Variants in PHIP observed in about 807,000 individuals in gnomAD.
PHIP encodes the protein PHIP subunit of CUL4-Ring ligase complex.
A neutral mutation model predicts 236.8 loss-of-function variants in PHIP; 54 were observed. The observed-to-expected ratio is 0.23, with a 90% confidence interval of 0.18 to 0.29. The LOEUF is 0.29. Ranked by LOEUF, PHIP falls within the 10% of genes least tolerant of loss-of-function variation. The probability of loss-of-function intolerance (pLI) is 1.00; values close to 1 mark genes in which losing one functional copy is unlikely to be tolerated. For synonymous variants in PHIP, 756 were observed against 718.9 expected (o/e 1.05, Z -0.83); for missense variants, 1,370 against 2,190.8 (o/e 0.63, Z 7.48).
chr6:79,046,552 T>C (rs1772495756), intron 6 of PHIP, among the ~76,000 whole-genome samples: 1 of 152,176 alleles, frequency 6.6e-6, no homozygotes, highest in South Asian at 2.1e-4. Context: ...CACAGGTTGG[T>C]GAATTAACAA....
At position 79,002,006 on chromosome 6, in the gene PHIP, A is replaced by G; in HGVS notation, c.1772T>C (p.Val591Ala). ...TGGATGAGGGTTACCATCAACATCA[A>G]CCAAAAAAGGGGGAGGCATAAGATG... ...APHLMPPPFL[V>A]DVDGNPHPSR... Residue 591 changes from valine to alanine, a missense_variant, in exon 17 of 40, where the codon GTT (valine) becomes GCT (alanine). Val to Ala is a moderately conservative substitution (Grantham distance 64). This residue lies in a region of PHIP where 133 missense variants were observed against 245.2 expected (regional missense o/e 0.54). Coordinates refer to ENST00000275034, the MANE Select transcript of PHIP (RefSeq NM_017934.7). 1 of 1,613,282 alleles carries G rather than the reference A, an allele frequency of 6.2e-7. No individual in the cohort carries two copies. The highest frequency in any genetic ancestry group is 8.5e-7 in the Non-Finnish European group (1 of 1,179,472).
chr6:79,014,945 C>A (rs1770770092), intron 15 of PHIP, 137 bp downstream of exon 15: 2 of 626,044 alleles, frequency 3.2e-6, no homozygotes, highest in South Asian at 2.4e-5. Flanking sequence ...TGGAATAAAT[C>A]ATTCTTTATT....
intron 9 of PHIP, among the ~76,000 whole-genome samples, chr6:79,019,811 G>T (rs1201485672): frequency 2.0e-5 from 3 of 152,042 alleles, no homozygotes; most frequent in African/African-American, 4.8e-5. Context: ...CTGTATTACA[G>T]ATTACATATT....
intron 21 of PHIP, among the ~76,000 whole-genome samples, chr6:78,987,548 T>C (rs1377619509): frequency 6.6e-6 from 1 of 152,094 alleles, no homozygotes. Flanking sequence ...TTCAAAAGTG[T>C]ATAGTAGTCA....
At chr6:78,991,038 TCCAAA>T in intron 19 of PHIP, 53 bp from the exon 20 acceptor site, 8 of 1,069,982 alleles carry the variant, frequency 7.5e-6, no homozygotes, top group Non-Finnish European at 8.5e-6. Flanking sequence ...ATAACTTTCC[TCCAAA>T]AGGAATGTTA....
intron 19 of PHIP, among the ~76,000 whole-genome samples, chr6:78,993,853 A>G (rs1335352015): frequency 6.6e-6 from 1 of 152,218 alleles, no homozygotes; most frequent in Non-Finnish European, 1.5e-5. Context: ...AAGTCTTTTT[A>G]TTTAAGAAAT....
chr6:78,947,858 TATG>T (rs1773912086), intron 35 of PHIP, 83 bp from the exon 36 acceptor site: 1 of 884,186 alleles, frequency 1.1e-6, no homozygotes, highest in East Asian at 2.5e-5. Context: ...ACAGGATTTT[TATG>T]ATGACTGCAA....
At chr6:79,058,972 T>C (rs1773213035) in intron 6 of PHIP, among the ~76,000 whole-genome samples, 1 of 152,086 alleles carries the variant, frequency 6.6e-6, no homozygotes, top group South Asian at 2.1e-4. Context: ...TAAGTACAAA[T>C]ATACCCTCGT....
At chr6:78,955,198 TA>T in intron 34 of PHIP, 33 bp downstream of exon 34, 3 of 1,451,552 alleles carry the variant, frequency 2.1e-6, no homozygotes, top group Non-Finnish European at 2.9e-6. Flanking sequence ...TTAATTCATA[TA>T]AAGTACTTCT....
At chr6:78,978,519 C>A in intron 24 of PHIP, 73 bp downstream of exon 24, 1 of 1,234,110 alleles carries the variant, frequency 8.1e-7, no homozygotes, top group Non-Finnish European at 1.1e-6. Context: ...TTCCAGAAGT[C>A]TATTTCAAGA....
chr6:78,964,391 C>CAACT (rs1766992951), intron 29 of PHIP, among the ~76,000 whole-genome samples: 1 of 152,134 alleles, frequency 6.6e-6, no homozygotes. Context: ...AACTACTGAG[C>CAACT]AACTCAATTA....
At chr6:78,969,456 T>A (rs925723651) in intron 27 of PHIP, among the ~76,000 whole-genome samples, 1 of 152,208 alleles carries the variant, frequency 6.6e-6, no homozygotes, top group Non-Finnish European at 1.5e-5. Flanking sequence ...AAGATTATAA[T>A]AGGATTAACC....
chr6:78,978,343 T>C (rs1304215137), intron 24 of PHIP, among the ~76,000 whole-genome samples: 2 of 152,084 alleles, frequency 1.3e-5, no homozygotes, highest in Non-Finnish European at 2.9e-5. Context: ...AACCTCTTAC[T>C]AAAACATACA....
intron 24 of PHIP, among the ~76,000 whole-genome samples, chr6:78,973,645 G>C (rs1163814194): frequency 1.4e-5 from 2 of 144,684 alleles, no homozygotes; most frequent in African/African-American, 2.6e-5. Context: ...CTCACCTGCA[G>C]AGACACACAT....
rs1160076894 is a variant in PHIP at position 79,017,528 on chromosome 6, A to C, written c.1050T>G (p.Phe350Leu). Residue 350 changes from phenylalanine to leucine, a missense_variant, in exon 11 of 40, where the codon TTT (phenylalanine) becomes TTG (leucine). Phe to Leu is a conservative substitution (Grantham distance 22). Around this residue, in one of 14 missense-constraint regions of PHIP, gnomAD observed 188 missense variants for 354.3 expected, o/e 0.53. Coordinates refer to ENST00000275034, the MANE Select transcript of PHIP (RefSeq NM_017934.7). ...ATATTTTCTCTGGCTGACCTGATCC[A>C]AAAAAATAAACCCGAATAATATGAT... ...STDHIIRVYF[F>L]GSGQPEKISE... The C allele has an allele frequency of 4.3e-6, 7 of 1,610,652 alleles. No homozygotes were observed. Among genetic ancestry groups the C allele is most frequent in the Non-Finnish European group, 5.9e-6 (7 of 1,177,460 alleles).
intron 4 of PHIP, among the ~76,000 whole-genome samples, chr6:79,070,757 C>G (rs560428608): frequency 6.6e-6 from 1 of 152,324 alleles, no homozygotes; most frequent in East Asian, 1.9e-4. Context: ...AACCTTTACA[C>G]TCCTCCTGCA....
rs1234879276 is a variant in PHIP, at chr6:78,954,874, G to A, written c.3993C>T (p.Leu1331=). The A allele has an allele frequency of 6.3e-7, 1 of 1,584,990 alleles. No homozygotes were observed. Among genetic ancestry groups the A allele is most frequent in the South Asian group, 1.2e-5 (1 of 86,604 alleles). The change falls in exon 35 of 40, where the codon CTC becomes CTT. Residue 1331 remains leucine, a synonymous_variant. Transcript: ENST00000275034. ...GCTCTGAATCTTCACATTGAAATAT[G>A]AGATTTAACAATTCTTCACACTGTT... ...WKKQCEELLN[L]IFQCEDSEPF...
intron 7 of PHIP, among the ~76,000 whole-genome samples, chr6:79,026,812 A>G (rs1193802549): frequency 6.6e-6 from 1 of 151,826 alleles, no homozygotes; most frequent in African/African-American, 2.4e-5. Context: ...TAGCCAAAAT[A>G]GAGATAGAAC....
intron 9 of PHIP, among the ~76,000 whole-genome samples, chr6:79,023,882 C>T (rs1771258860): frequency 6.6e-6 from 1 of 152,166 alleles, no homozygotes; most frequent in South Asian, 2.1e-4. Context: ...TTGCTAATCA[C>T]TTTTTCTTCT....
Sources: gnomAD v4.1 joint callset for allele counts (sites outside exome capture counted in the v4.1 genomes callset) on GRCh38, gnomAD v4.1.1 for gene constraint, gnomAD v4.1.1 regional missense constraint, MANE v1.5 for transcripts, NCBI Gene and HGNC (gene_info 2026-07-23, HGNC 2026-07-21) for gene names.